DLG2: variants seen among roughly 807,000 people sequenced by gnomAD.
DLG2 encodes discs large MAGUK scaffold protein 2.
In DLG2, 45 loss-of-function variants were observed where a neutral mutation model predicts 132.5. The ratio of observed to expected loss-of-function variants is 0.34; its 90% CI spans 0.27 to 0.44. The LOEUF (loss-of-function observed/expected upper bound fraction) is 0.44. DLG2 is among the 20% of genes least tolerant of loss of function. DLG2 has a pLI of 1.00. For synonymous variants in DLG2, 424 were observed against 419.6 expected, an observed-to-expected ratio of 1.01 and a Z score of -0.13; for missense variants, 1,045 against 1,196.9, an observed-to-expected ratio of 0.87 and a Z score of 1.87.
intron 3 of DLG2, among the ~76,000 whole-genome samples, chr11:85,505,818 G>A (rs1045801665): frequency 6.6e-6 from 1 of 152,166 alleles, no homozygotes; most frequent in Non-Finnish European, 1.5e-5. Flanking sequence ...TTGTACCTCT[G>A]GTAGAATCCA....
intron 3 of DLG2, among the ~76,000 whole-genome samples, chr11:85,597,872 G>C (rs973326990): frequency 6.6e-6 from 1 of 150,516 alleles, no homozygotes; most frequent in African/African-American, 2.4e-5. Flanking sequence ...TAATTGAGTG[G>C]GTTTTTCATT....
intron 6 of DLG2, among the ~76,000 whole-genome samples, chr11:84,928,600 G>T (rs1311257254): frequency 6.6e-6 from 1 of 151,792 alleles, no homozygotes; most frequent in Non-Finnish European, 1.5e-5. Context: ...TTCTTTCAGG[G>T]GTTTGTAGAT....
At chr11:83,528,941 A>C (rs542791598) in intron 21 of DLG2, among the ~76,000 whole-genome samples, 1 of 152,180 alleles carries the variant, frequency 6.6e-6, no homozygotes, top group Non-Finnish European at 1.5e-5. Context: ...AAGTTCATCT[A>C]TAAAGTGCTC....
At chr11:83,977,198 A>T (rs1388898108) in intron 12 of DLG2, among the ~76,000 whole-genome samples, 1 of 151,992 alleles carries the variant, frequency 6.6e-6, no homozygotes, top group Non-Finnish European at 1.5e-5. Context: ...CCTATGATCC[A>T]GTAACTTCTC....
chr11:84,871,317 G>A (rs555854223), intron 6 of DLG2, among the ~76,000 whole-genome samples: 5 of 152,228 alleles, frequency 3.3e-5, no homozygotes, highest in South Asian at 2.1e-4. Context: ...AGTCAGTATC[G>A]GAAATCACTG....
At chr11:85,246,067 A>G (rs926143751) in intron 4 of DLG2, among the ~76,000 whole-genome samples, 16 of 152,070 alleles carry the variant, frequency 1.1e-4, no homozygotes, top group Middle Eastern at 3.4e-3. Context: ...ACACATTTAT[A>G]TTATTTATTT....
chr11:84,677,232 G>A (rs1257902518), intron 6 of DLG2, among the ~76,000 whole-genome samples: 2 of 151,972 alleles, frequency 1.3e-5, no homozygotes, highest in African/African-American at 2.4e-5. Context: ...CTTTTGATTC[G>A]TATCAGTCAT....
chr11:85,446,768 A>C (rs190161965), intron 3 of DLG2, among the ~76,000 whole-genome samples: 117 of 148,498 alleles, frequency 7.9e-4, no homozygotes, highest in Middle Eastern at 3.5e-3. Context: ...CTCAGTGACA[A>C]CTCCAGTTTG....
At position 85,376,846 on chromosome 11, in the gene DLG2, G is replaced by A. The variant is rs181251467; in HGVS notation, c.41-91481C>T. On this transcript the variant is annotated intron_variant, in intron 3 of 27. Coordinates refer to ENST00000376104, the MANE Select transcript of DLG2 (RefSeq NM_001142699.3). ...CCCCACTACTAGTCTTTGCATCCCC[G>A]GGAGGATAGAAAAGGAGAGGACAAC... is the stretch of plus-strand genomic sequence containing the variant. Among the ~76,000 whole-genome samples the A allele has an allele frequency of 3.2e-4, 49 of 152,222 alleles. 1 individual carries two copies. Among genetic ancestry groups the A allele is most frequent in the South Asian group, 1.0e-3 (5 of 4,810 alleles).
chr11:84,046,961 T>C (rs991009020), intron 11 of DLG2, among the ~76,000 whole-genome samples: 2 of 151,626 alleles, frequency 1.3e-5, no homozygotes, highest in Admixed American at 1.3e-4. Context: ...GGTCCATGAA[T>C]AGAAAGTACT....
intron 5 of DLG2, among the ~76,000 whole-genome samples, chr11:85,118,184 G>C (rs571023946): frequency 6.6e-6 from 1 of 152,116 alleles, no homozygotes; most frequent in South Asian, 2.1e-4. Flanking sequence ...ATTTGTTTCT[G>C]AGGAAATCCT....
chr11:83,858,342 G>T (rs1272768983), intron 16 of DLG2, among the ~76,000 whole-genome samples: 5 of 152,104 alleles, frequency 3.3e-5, no homozygotes, highest in African/African-American at 1.2e-4. Flanking sequence ...TTTCTCCACT[G>T]AAATCATTCC....
intron 6 of DLG2, among the ~76,000 whole-genome samples, chr11:84,946,514 C>T (rs1194638033): frequency 1.3e-5 from 2 of 152,090 alleles, no homozygotes; most frequent in Non-Finnish European, 1.5e-5. Context: ...CTTTCAGGAG[C>T]TAGATCCTGA....
intron 3 of DLG2, among the ~76,000 whole-genome samples, chr11:85,466,762 A>C (rs923674703): frequency 1.2e-4 from 19 of 152,048 alleles, no homozygotes; most frequent in Middle Eastern, 3.4e-3. Context: ...CAGCTTTGTT[A>C]TTTTGGCTTA....
chr11:83,801,617 T>C (rs2044406555), intron 17 of DLG2, among the ~76,000 whole-genome samples: 1 of 152,230 alleles, frequency 6.6e-6, no homozygotes, highest in African/African-American at 2.4e-5. Context: ...CTTTGACAAC[T>C]TATTTTCATA....
intron 6 of DLG2, among the ~76,000 whole-genome samples, chr11:84,549,449 G>A (rs2099397284): frequency 6.6e-6 from 1 of 152,172 alleles, no homozygotes; most frequent in African/African-American, 2.4e-5. Context: ...AACATGTTTT[G>A]CTCAGTGCAC....
intron 8 of DLG2, among the ~76,000 whole-genome samples, chr11:84,206,963 C>T (rs1289253183): frequency 6.6e-6 from 1 of 151,656 alleles, no homozygotes; most frequent in Non-Finnish European, 1.5e-5. Flanking sequence ...AAGTTATTTG[C>T]ATGTATGTAT....
At chr11:85,491,056 A>T (rs997746044) in intron 3 of DLG2, among the ~76,000 whole-genome samples, 3 of 152,062 alleles carry the variant, frequency 2.0e-5, no homozygotes, top group South Asian at 2.1e-4. Flanking sequence ...CAACAACACA[A>T]TAAGAAGATA....
intron 7 of DLG2, among the ~76,000 whole-genome samples, chr11:84,279,855 CT>C (rs1190986625): frequency 6.6e-6 from 1 of 151,910 alleles, no homozygotes; most frequent in Non-Finnish European, 1.5e-5. Context: ...CATTTATTAA[CT>C]TTTTTTTAAA....
Sources: allele counts gnomAD v4.1 joint callset (sites outside exome capture counted in the v4.1 genomes callset), GRCh38; gene constraint gnomAD v4.1.1; transcripts MANE v1.5; gene names NCBI Gene and HGNC (gene_info 2026-07-23, HGNC 2026-07-21).